COL18A1: variants seen among roughly 807,000 people sequenced by gnomAD.
The protein encoded by COL18A1 is collagen alpha-1(XVIII) chain.
Under a neutral mutation model 168.0 loss-of-function variants are expected in COL18A1, and 133 were observed. The ratio of observed to expected loss-of-function variants is 0.79; its 90% confidence interval spans 0.69 to 0.91. The LOEUF (loss-of-function observed/expected upper bound fraction) is 0.91, where lower values mean the gene tolerates loss of function less well. Among genes scored for constraint, COL18A1 ranks in the 40% least tolerant of loss-of-function variants. The pLI is 0.00. For missense variants in COL18A1, 2,126 were observed against 1,925.4 expected (o/e 1.10, Z -1.95); for synonymous variants, 949 against 809.0 (o/e 1.17, Z -2.94).
At chr21:45,492,959 T>C (rs1337286851) in intron 24 of COL18A1, among the ~76,000 whole-genome samples, 1 of 151,622 alleles carries the variant, frequency 6.6e-6, no homozygotes, top group African/African-American at 2.4e-5. Flanking sequence ...GTGTCCAGAG[T>C]GAGGCTGGGG....
chr21:45,459,367 C>T (rs907964975), intron 2 of COL18A1, among the ~76,000 whole-genome samples: 45 of 152,312 alleles, frequency 3.0e-4, no homozygotes, highest in African/African-American at 8.9e-4. Flanking sequence ...GGCTGTGATC[C>T]GGGCACCAGA....
At chr21:45,421,125 C>T in intron 2 of COL18A1, 1 of 290,654 alleles carries the variant, frequency 3.4e-6, no homozygotes, top group Non-Finnish European at 6.8e-6. Flanking sequence ...CTGGTGCCTG[C>T]CTGTCCTGCC....
At position 45,479,975 on chromosome 21, in the gene COL18A1, G is replaced by A. The variant is rs377282225; in HGVS notation, c.1311+11G>A. 1.9e-5 allele frequency: 30 copies of A among 1,613,752 alleles called. No homozygotes were observed. The highest frequency in any genetic ancestry group is 4.0e-5 in the African/African-American group (3 of 74,850). On this transcript the variant is annotated intron_variant, in intron 10 of 41. Transcript: ENST00000651438. The stretch of plus-strand genomic sequence containing the variant: ...CCCAAGGGCGACAAGGTGAGTCTCC[G>A]TGGCTGGGTGGGGCCCCTTCCTGTG...
chr21:45,434,505 G>A (rs1386550159), intron 2 of COL18A1, among the ~76,000 whole-genome samples: 1 of 152,208 alleles, frequency 6.6e-6, no homozygotes, highest in African/African-American at 2.4e-5. Flanking sequence ...GGGACTCCCT[G>A]CCTGAGTCGG....
chr21:45,488,736 G>A (rs1278335664), intron 18 of COL18A1, among the ~76,000 whole-genome samples: 1 of 152,092 alleles, frequency 6.6e-6, no homozygotes, highest in South Asian at 2.1e-4. Flanking sequence ...GACTTGGGCC[G>A]AAAAGAGGGG....
intron 2 of COL18A1, among the ~76,000 whole-genome samples, chr21:45,432,071 C>T (rs1183469751): frequency 1.3e-5 from 2 of 152,216 alleles, no homozygotes; most frequent in Non-Finnish European, 2.9e-5. Context: ...CGGTGCCCAC[C>T]TCGGTCCCCA....
In COL18A1 at chr21:45,449,223, C is replaced by T. The variant is rs190921439; in HGVS notation, c.107-19019C>T. Among the ~76,000 whole-genome samples, 112 of 152,284 alleles carry T rather than the reference C, an allele frequency of 7.4e-4. 2 individuals carry two copies. In the East Asian group the frequency reaches 0.019, roughly 26 times the overall value. ...GCTGCGGTGGAGGTTGCACCAAGCCCGAGGGGAGGGCCTGGCTCACATGGG... is the reference window on the plus strand; with the variant it reads ...GCTGCGGTGGAGGTTGCACCAAGCCTGAGGGGAGGGCCTGGCTCACATGGG... On this transcript the variant is annotated intron_variant, in intron 2 of 41. Coordinates refer to ENST00000651438, the MANE Select transcript of COL18A1 (RefSeq NM_001379500.1).
At chr21:45,509,010 T>G (rs1035282102) in intron 38 of COL18A1, among the ~76,000 whole-genome samples, 5 of 151,818 alleles carry the variant, frequency 3.3e-5, no homozygotes, top group Non-Finnish European at 5.9e-5. Flanking sequence ...CCCTGGGAGA[T>G]TAGAAGGTCG....
intron 2 of COL18A1, among the ~76,000 whole-genome samples, chr21:45,451,661 G>T (rs1273035279): frequency 6.6e-6 from 1 of 152,216 alleles, no homozygotes; most frequent in African/African-American, 2.4e-5. Flanking sequence ...GCGCTCAGAG[G>T]GGAAGGCGGT....
chr21:45,434,484 G>A (rs887142647), intron 2 of COL18A1, among the ~76,000 whole-genome samples: 3 of 152,182 alleles, frequency 2.0e-5, no homozygotes, highest in Non-Finnish European at 4.4e-5. Context: ...CTGAGCATCA[G>A]GCCAGAGGCT....
At chr21:45,503,138 A>G (rs1026976406) in intron 32 of COL18A1, among the ~76,000 whole-genome samples, 4 of 152,346 alleles carry the variant, frequency 2.6e-5, no homozygotes, top group African/African-American at 4.8e-5. Flanking sequence ...TCCCTGAGGA[A>G]TCGCCACACT....
chr21:45,447,344 A>G (rs1276423061), intron 2 of COL18A1, among the ~76,000 whole-genome samples: 1 of 152,156 alleles, frequency 6.6e-6, no homozygotes, highest in East Asian at 1.9e-4. Context: ...GAACCAATAA[A>G]TGAGCTCAAC....
At chr21:45,480,397 C>A (rs1033679920) in intron 11 of COL18A1, 70 bp from the exon 12 acceptor site, 2 of 1,612,140 alleles carry the variant, frequency 1.2e-6, no homozygotes, top group East Asian at 4.5e-5. Context: ...GCTTGCGGGG[C>A]AGGGGCCAGG....
rs766569499 is a variant in COL18A1, at chr21:45,505,214, C to T, written c.2949C>T (p.Arg983=). 1.2e-6 allele frequency: 2 copies of T among 1,600,480 alleles called. No homozygotes were observed. Among genetic ancestry groups the T allele is most frequent in the Non-Finnish European group, 1.7e-6 (2 of 1,173,764 alleles). The part of the protein sequence containing the change: ...QGPPGIGYEG[R]QGPPGPPGPP... The stretch of plus-strand genomic sequence containing the variant: ...CCCCCGGCATCGGCTACGAGGGGCG[C>T]CAGGGCCCTCCCGGCCCCCCAGGCC... The change falls in exon 35 of 42, where the codon CGC becomes CGT. Residue 983 remains arginine (R), a synonymous_variant. Coordinates refer to ENST00000651438, the MANE Select transcript of COL18A1 (RefSeq NM_001379500.1).
Position 45,482,825 on chromosome 21 carries a change from C to A in COL18A1, c.1701+4C>A. 1 of 1,614,162 alleles carries A rather than the reference C, an allele frequency of 6.2e-7. No homozygotes were observed. The highest frequency in any genetic ancestry group is 8.5e-7 in the Non-Finnish European group (1 of 1,180,024). On this transcript the variant is annotated splice_donor_region_variant and intron_variant, in intron 15 of 41. Coordinates refer to ENST00000651438, the MANE Select transcript of COL18A1 (RefSeq NM_001379500.1). ...AGCAGGCGCCCCAGGACATAAGGTA[C>A]AAGCAGAATCCCTGGCACATCAGTC...
chr21:45,509,393 A>G lies in COL18A1; in HGVS notation c.3287A>G (p.Gln1096Arg). The change falls in exon 39 of 42, where the codon CAG becomes CGG. Residue 1096 changes from glutamine (Q) to arginine (R), a missense_variant. Coordinates refer to ENST00000651438, the MANE Select transcript of COL18A1 (RefSeq NM_001379500.1). ...EVAALQPPVV[Q>R]LHDSNPYPRR... ...GCCGCCTTGCAGCCCCCCGTGGTGC[A>G]GCTGCACGACAGCAACCCCTACCCG... 1 of 1,542,462 alleles carries G rather than the reference A, an allele frequency of 6.5e-7. No individual in the cohort carries two copies. Among genetic ancestry groups the G allele is most frequent in the Non-Finnish European group, 8.7e-7 (1 of 1,144,200 alleles).
In COL18A1 at chr21:45,425,278, CGTGTGT is replaced by C. The variant is rs138834749; in HGVS notation, c.106+19815_106+19820del. On this transcript the variant is annotated intron_variant, in intron 2 of 41. Transcript: ENST00000651438. This position sits in a 1 kb window ranked among gnomAD's most constrained non-coding sequence, Gnocchi z 4.1. ...CGGACACGCCTGTTGGAGCCCCGGC[CGTGTGT>C]GTGTGTGTGCTGTGAGTGCAGTGTG... Among the ~76,000 whole-genome samples the C allele has an allele frequency of 1.3e-5, 2 of 151,764 alleles. No individual in the cohort carries two copies. Among genetic ancestry groups the C allele is most frequent in the Non-Finnish European group, 2.9e-5 (2 of 67,908 alleles).
At chr21:45,454,264 A>G (rs2034724969) in intron 2 of COL18A1, among the ~76,000 whole-genome samples, 1 of 152,114 alleles carries the variant, frequency 6.6e-6, no homozygotes. Context: ...TGTGGACAGC[A>G]ATCGACCGAT....
rs1223479217 is a variant in COL18A1 at position 45,504,530 on chromosome 21, GGCC to G, written c.2843_2845del (p.Gly948_Pro949delinsAla). 1 of 1,571,450 alleles carries G rather than the reference GGCC, an allele frequency of 6.4e-7. No homozygotes were observed. Among genetic ancestry groups the G allele is most frequent in the Non-Finnish European group, 8.6e-7 (1 of 1,158,820 alleles). Reference sequence around the variant, plus strand: ...CCCCCCCGGCCCCCCAGGCCCCCCAGGCCCACGTGGCTACCCTGGGATTCCAGT... The same window carrying G: ...CCCCCCCGGCCCCCCAGGCCCCCCAGCACGTGGCTACCCTGGGATTCCAGT... On this transcript the variant is annotated inframe_deletion, in exon 34 of 42. Transcript: ENST00000651438.
Sources: gnomAD v4.1 joint callset for allele counts (sites outside exome capture counted in the v4.1 genomes callset) on GRCh38, gnomAD v4.1.1 for gene constraint, Gnocchi (gnomAD v3.1) non-coding constraint, MANE v1.5 for transcripts, NCBI Gene and HGNC (gene_info 2026-07-23, HGNC 2026-07-21) for gene names.